RPAP3: variants seen among roughly 807,000 people sequenced by gnomAD.
RPAP3 encodes RNA polymerase II associated protein 3.
A neutral mutation model predicts 88.8 loss-of-function variants in RPAP3; 58 were observed. The ratio of observed to expected loss-of-function variants is 0.65; its 90% CI spans 0.53 to 0.81. RPAP3 has a LOEUF of 0.81. Among genes scored for constraint, RPAP3 ranks in the 40% least tolerant of loss-of-function variants. RPAP3 has a pLI of 0.00. For missense variants in RPAP3, 751 were observed against 764.3 expected (o/e 0.98, Z 0.20); for synonymous variants, 255 against 259.9 (o/e 0.98, Z 0.18).
chr12:47,696,111 C>T (rs1337881167), intron 5 of RPAP3, 165 bp downstream of exon 5: 2 of 530,996 alleles, frequency 3.8e-6, no homozygotes, highest in Non-Finnish European at 5.8e-6. Flanking sequence ...ATGGCTTAAA[C>T]AAAATAATTC....
At chr12:47,681,653 C>T in intron 10 of RPAP3, 43 bp downstream of exon 10, 1 of 1,590,966 alleles carries the variant, frequency 6.3e-7, no homozygotes. Flanking sequence ...TTAACTTGGG[C>T]ACTCATCAGG....
At chr12:47,700,730 T>C (rs1329744912) in intron 3 of RPAP3, among the ~76,000 whole-genome samples, 3 of 152,190 alleles carry the variant, frequency 2.0e-5, no homozygotes, top group Non-Finnish European at 4.4e-5. Flanking sequence ...AGGACACATA[T>C]CTGCTATCCC....
At chr12:47,667,708 A>G (rs1938909754) in intron 15 of RPAP3, 46 bp downstream of exon 15, 6 of 1,061,298 alleles carry the variant, frequency 5.7e-6, no homozygotes, top group Non-Finnish European at 8.4e-6. Context: ...CCTATCAATA[A>G]CATTAAGTGA....
chr12:47,665,091 A>ATTTT (rs75507042), intron 16 of RPAP3, among the ~76,000 whole-genome samples: 2 of 140,140 alleles, frequency 1.4e-5, no homozygotes, highest in East Asian at 4.2e-4. Flanking sequence ...CAGTTTGGTA[A>ATTTT]TTTTTTTTTT....
chr12:47,677,906 T>C (rs1405253611), intron 12 of RPAP3, among the ~76,000 whole-genome samples: 1 of 152,080 alleles, frequency 6.6e-6, no homozygotes, highest in Non-Finnish European at 1.5e-5. Flanking sequence ...TACTTTAAAG[T>C]TCATATGGAA....
chr12:47,685,680 C>T (rs530168801), intron 9 of RPAP3, among the ~76,000 whole-genome samples: 5 of 152,294 alleles, frequency 3.3e-5, no homozygotes, highest in African/African-American at 1.2e-4. Context: ...TTGATCAGTA[C>T]GTGGAAGATG....
chr12:47,679,479 A>G lies in RPAP3; in HGVS notation c.1287+14T>C. 6.6e-7 allele frequency: 1 copy of G among 1,516,852 alleles called. No homozygotes were observed. 94.0% of individuals were successfully genotyped at this position (1,516,852 alleles called of 1,614,324 possible). A position where few individuals can be genotyped will look rare whatever the true frequency, so the allele number is the denominator to read the frequency against. ...ATTTAAATGGCAAGGAAAAAATGAA[A>G]GTGCTTTACTTACAGTTGATCCAGG... is the stretch of plus-strand genomic sequence containing the variant. On this transcript the variant is annotated intron_variant, in intron 12 of 16. Transcript: ENST00000005386.
intron 3 of RPAP3, chr12:47,701,211 T>C: frequency 3.6e-6 from 1 of 280,110 alleles, no homozygotes; most frequent in African/African-American, 2.2e-5. Context: ...ACAGTAATTT[T>C]TGTAAAAAGA....
chr12:47,681,901 GC>G, intron 9 of RPAP3, 84 bp from the exon 10 acceptor site: 1 of 1,310,466 alleles, frequency 7.6e-7, no homozygotes, highest in East Asian at 2.5e-5. Flanking sequence ...AATTTAAAAA[GC>G]TTGTATATAA....
chr12:47,690,296 GTTAGTAC>G (rs1397737125), intron 6 of RPAP3, among the ~76,000 whole-genome samples: 7 of 152,282 alleles, frequency 4.6e-5, no homozygotes, highest in South Asian at 4.1e-4. Context: ...TGGTCACATA[GTTAGTAC>G]TTAGTAACAT....
chr12:47,705,003 G>C (rs542440326), intron 1 of RPAP3, among the ~76,000 whole-genome samples: 1 of 152,092 alleles, frequency 6.6e-6, no homozygotes, highest in East Asian at 1.9e-4. Context: ...GGAGGGGGGG[G>C]AATGAAATGA....
chr12:47,691,821 C>T (rs1483094916), intron 5 of RPAP3, among the ~76,000 whole-genome samples: 1 of 151,958 alleles, frequency 6.6e-6, no homozygotes, highest in African/African-American at 2.4e-5. Flanking sequence ...ATCTGGCTCA[C>T]TGCAACCTCT....
At position 47,662,027 on chromosome 12, in the gene RPAP3, CT is replaced by C. The variant is rs1046599576; in HGVS notation, c.*1477del. On this transcript the variant is annotated 3_prime_UTR_variant, in exon 17 of 17. Transcript: ENST00000005386. Reference sequence around the variant, plus strand: ...GCCAGTAGATTCTGGTCTCTGGTGTCTGGTGAAGGCCCACCTTCTTGTTCGT... The same window carrying C: ...GCCAGTAGATTCTGGTCTCTGGTGTCGGTGAAGGCCCACCTTCTTGTTCGT... The C allele has an allele frequency of 3.3e-5, 5 of 152,220 alleles. No homozygotes were observed. Among genetic ancestry groups the C allele is most frequent in the African/African-American group, 1.2e-4 (5 of 41,456 alleles). 9.4% of individuals were successfully genotyped at this position (152,220 alleles called of 1,614,324 possible).
chr12:47,690,801 C>T lies in RPAP3; in HGVS notation c.546-162G>A, dbSNP rs906209073. The stretch of plus-strand genomic sequence containing the variant: ...TTAATTAAGCATAATAAAAGCAATA[C>T]TGCCATTGCTCAAAGATATTGTGGG... On this transcript the variant is annotated intron_variant, in intron 5 of 16. Coordinates refer to ENST00000005386, the MANE Select transcript of RPAP3 (RefSeq NM_024604.3). 1.8e-4 allele frequency among the ~76,000 whole-genome samples: 27 copies of T among 152,214 alleles called. 1 individual carries two copies. Among genetic ancestry groups the T allele is most frequent in the Non-Finnish European group, 2.9e-5 (2 of 68,046 alleles).
In RPAP3 at chr12:47,701,517, T is replaced by C. The variant is rs1413957222; in HGVS notation, c.241A>G (p.Thr81Ala). ...ESSKKTREENTKNRIKSYDYE... is the reference protein window; with the variant it reads ...ESSKKTREENAKNRIKSYDYE... The stretch of plus-strand genomic sequence containing the variant: ...TCATAAGATTTTATCCTGTTTTTTG[T>C]GTTTTCCTCTCTGGTTTTTTTGGAA... The change falls in exon 3 of 17, where the codon ACA becomes GCA. Residue 81 changes from threonine (T) to alanine (A), a missense_variant. Thr to Ala is a moderately conservative substitution (Grantham distance 58, BLOSUM62 0). Transcript: ENST00000005386. 6.9e-6 allele frequency: 11 copies of C among 1,605,440 alleles called. No homozygotes were observed. The highest frequency in any genetic ancestry group is 9.3e-6 in the Non-Finnish European group (11 of 1,176,704).
At chr12:47,688,439 A>G (rs1200056027) in intron 7 of RPAP3, among the ~76,000 whole-genome samples, 1 of 152,170 alleles carries the variant, frequency 6.6e-6, no homozygotes, top group African/African-American at 2.4e-5. Flanking sequence ...AGTATCATAC[A>G]ATATGCCCAT....
intron 3 of RPAP3, among the ~76,000 whole-genome samples, chr12:47,698,688 AT>A (rs1939585922): frequency 6.6e-6 from 1 of 151,886 alleles, no homozygotes; most frequent in Admixed American, 6.6e-5. Context: ...TAATTTTTTT[AT>A]TTTTTGTAGA....
chr12:47,670,111 G>C lies in RPAP3; in HGVS notation c.1522C>G (p.Leu508Val). Reference sequence around the variant, plus strand: ...AATAACAGTATTTCTACTCACTGCAGGGATGAAGTATCACTGACTTCTTCT... The same window carrying C: ...AATAACAGTATTTCTACTCACTGCACGGATGAAGTATCACTGACTTCTTCT... ...KIEEVSDTSS[L>V]QPQASLKQDV... The change falls in exon 13 of 17, where the codon CTG becomes GTG. Residue 508 changes from leucine (L) to valine (V), a missense_variant. Transcript: ENST00000005386. 2 of 1,569,586 alleles carry C rather than the reference G, an allele frequency of 1.3e-6. No homozygotes were observed. The highest frequency in any genetic ancestry group is 1.8e-6 in the Non-Finnish European group (2 of 1,139,660).
chr12:47,678,228 C>T (rs1469842035), intron 12 of RPAP3, among the ~76,000 whole-genome samples: 1 of 152,140 alleles, frequency 6.6e-6, no homozygotes, highest in Non-Finnish European at 1.5e-5. Context: ...CCCTTCCTTA[C>T]ACCTTATACA....
Sources: gnomAD v4.1 joint callset for allele counts (sites outside exome capture counted in the v4.1 genomes callset) on GRCh38, gnomAD v4.1.1 for gene constraint, MANE v1.5 for transcripts, NCBI Gene and HGNC (gene_info 2026-07-23, HGNC 2026-07-21) for gene names.